The following SLC45A4 variants were observed in gnomAD, a reference collection of about 807,000 sequenced individuals.
The protein encoded by SLC45A4 is polyamine-transporter SLC45A4.
A neutral mutation model predicts 63.7 loss-of-function variants in SLC45A4; 32 were observed. That is an observed-to-expected ratio of 0.50 (90% CI 0.38 to 0.67). The LOEUF is 0.67. Ranked by LOEUF, SLC45A4 falls within the 30% of genes least tolerant of loss-of-function variation. The pLI is 0.00. For missense variants in SLC45A4, 1,027 were observed against 1,157.7 expected (o/e 0.89, Z 1.64); for synonymous variants, 535 against 510.0 (o/e 1.05, Z -0.66).
At chr8:141,263,132 C>T (rs1345667018) in intron 1 of SLC45A4, among the ~76,000 whole-genome samples, 5 of 146,338 alleles carry the variant, frequency 3.4e-5, no homozygotes, top group Admixed American at 7.3e-5. Context: ...CCAAACACCA[C>T]GTGTTCTCAC....
At chr8:141,290,691 A>G (rs950625437) in intron 1 of SLC45A4, among the ~76,000 whole-genome samples, 2 of 152,248 alleles carry the variant, frequency 1.3e-5, no homozygotes, top group Non-Finnish European at 1.5e-5. Context: ...CACAGCTCCC[A>G]TGAACGACCA....
At chr8:141,235,500 C>T (rs553635694) in intron 2 of SLC45A4, among the ~76,000 whole-genome samples, 81 of 152,288 alleles carry the variant, frequency 5.3e-4, no homozygotes, top group Non-Finnish European at 1.1e-3. Flanking sequence ...AACCCCACAA[C>T]GATTCTAACG....
At chr8:141,242,942 C>G (rs1393622048) in intron 2 of SLC45A4, among the ~76,000 whole-genome samples, 1 of 152,234 alleles carries the variant, frequency 6.6e-6, no homozygotes, top group Non-Finnish European at 1.5e-5. Context: ...CAAACCTAAG[C>G]CAGCCCGTGT....
At chr8:141,299,916 T>A (rs1038558094) in intron 1 of SLC45A4, among the ~76,000 whole-genome samples, 2 of 152,202 alleles carry the variant, frequency 1.3e-5, no homozygotes, top group African/African-American at 4.8e-5. Context: ...TCCAGGGTGA[T>A]TTAATCCGGT....
intron 1 of SLC45A4, among the ~76,000 whole-genome samples, chr8:141,267,725 C>A (rs1829333693): frequency 6.7e-6 from 1 of 149,042 alleles, no homozygotes; most frequent in Non-Finnish European, 1.5e-5. Context: ...TGGAAAGATA[C>A]TCCACACTCG....
chr8:141,263,920 G>C (rs1290012281), intron 1 of SLC45A4, among the ~76,000 whole-genome samples: 1 of 152,190 alleles, frequency 6.6e-6, no homozygotes, highest in African/African-American at 2.4e-5. Flanking sequence ...ACAGCACACA[G>C]AGAAGGCCAT....
chr8:141,282,112 G>A (rs963551773), intron 1 of SLC45A4, among the ~76,000 whole-genome samples: 1 of 152,204 alleles, frequency 6.6e-6, no homozygotes, highest in African/African-American at 2.4e-5. Context: ...TTGGAAGTAG[G>A]ACGATCGTCA....
intron 2 of SLC45A4, among the ~76,000 whole-genome samples, chr8:141,240,408 T>C (rs1424273325): frequency 6.6e-6 from 1 of 152,178 alleles, no homozygotes; most frequent in African/African-American, 2.4e-5. Flanking sequence ...GAGGGGAGAC[T>C]GGACTTCTCC....
intron 2 of SLC45A4, among the ~76,000 whole-genome samples, chr8:141,242,423 A>G (rs1032593749): frequency 6.6e-6 from 1 of 152,186 alleles, no homozygotes; most frequent in Non-Finnish European, 1.5e-5. Flanking sequence ...ACAATTCTAC[A>G]TTGTTTTCCC....
chr8:141,221,725 G>A lies in SLC45A4; in HGVS notation c.282C>T (p.Ser94=). The change falls in exon 3 of 9, where the codon AGC becomes AGT. Residue 94 remains serine, a synonymous_variant. Transcript: ENST00000517878. ...GTGTGAAGATGAGGCCAAGGATGGG[G>A]CTCAGGAACCAGGTGAGGCTGTAGT... ...EQYYSLTWFL[S]PILGLIFTPL... 1 of 1,614,066 alleles carries A rather than the reference G, an allele frequency of 6.2e-7. No individual in the cohort carries two copies. The highest frequency in any genetic ancestry group is 8.5e-7 in the Non-Finnish European group (1 of 1,180,046).
chr8:141,233,012 C>A (rs1174549756), intron 2 of SLC45A4, among the ~76,000 whole-genome samples: 4 of 152,238 alleles, frequency 2.6e-5, no homozygotes, highest in Non-Finnish European at 5.9e-5. Flanking sequence ...GGCACCTCTG[C>A]CCCGCAGGTA....
intron 1 of SLC45A4, among the ~76,000 whole-genome samples, chr8:141,283,258 A>G (rs1830019159): frequency 6.6e-6 from 1 of 152,174 alleles, no homozygotes; most frequent in South Asian, 2.1e-4. Flanking sequence ...CCTCAAGAAC[A>G]CTGCAGCCTC....
At chr8:141,245,464 C>A (rs988028278) in intron 2 of SLC45A4, among the ~76,000 whole-genome samples, 1 of 152,202 alleles carries the variant, frequency 6.6e-6, no homozygotes, top group Admixed American at 6.5e-5. Context: ...CGCTCCATCA[C>A]GTCTTCTGTC....
intron 2 of SLC45A4, among the ~76,000 whole-genome samples, chr8:141,243,945 T>C (rs1435292608): frequency 1.3e-5 from 2 of 152,192 alleles, no homozygotes; most frequent in Non-Finnish European, 2.9e-5. Flanking sequence ...GCTTATATTA[T>C]TGGTAAGGCT....
At chr8:141,233,714 T>TA (rs60799485) in intron 2 of SLC45A4, among the ~76,000 whole-genome samples, 49,394 of 151,908 alleles carry the variant, frequency 0.33, 8,690 homozygotes, top group East Asian at 0.45. Context: ...TAAAATGAAA[T>TA]AAAAAACCCT....
chr8:141,273,825 A>G (rs1266421352), intron 1 of SLC45A4, among the ~76,000 whole-genome samples: 2 of 152,210 alleles, frequency 1.3e-5, no homozygotes, highest in Non-Finnish European at 2.9e-5. Flanking sequence ...GTCCAATGAT[A>G]CGGAGCTCTT....
intron 2 of SLC45A4, 111 bp downstream of exon 2, chr8:141,253,877 GC>G: frequency 2.1e-6 from 3 of 1,455,892 alleles, no homozygotes; most frequent in African/African-American, 1.4e-5. Flanking sequence ...AGACTCCAGT[GC>G]CCGGGGCTCT....
At chr8:141,302,762 T>C (rs186316975) in intron 1 of SLC45A4, among the ~76,000 whole-genome samples, 30 of 152,198 alleles carry the variant, frequency 2.0e-4, no homozygotes, top group Admixed American at 2.0e-4. Context: ...ACTCAGGCAG[T>C]CCCCCTCGCC....
At chr8:141,272,229 A>C (rs1042010911) in intron 1 of SLC45A4, among the ~76,000 whole-genome samples, 2 of 152,272 alleles carry the variant, frequency 1.3e-5, no homozygotes, top group African/African-American at 4.8e-5. Flanking sequence ...AAATTCATTC[A>C]GTTTAGAAGC....
Sources: gnomAD v4.1 joint callset for allele counts (sites outside exome capture counted in the v4.1 genomes callset) on GRCh38, gnomAD v4.1.1 for gene constraint, MANE v1.5 for transcripts, NCBI Gene and HGNC (gene_info 2026-07-23, HGNC 2026-07-21) for gene names.